GNPTAB: variants seen among roughly 807,000 people sequenced by gnomAD.
GNPTAB encodes N-acetylglucosamine-1-phosphate transferase subunits alpha and beta, also known as N-acetylglucosamine-1-phosphotransferase subunits alpha/beta.
GNPTAB carries 92 observed loss-of-function variants against 136.6 expected under a neutral mutation model. The ratio of observed to expected loss-of-function variants is 0.67; its 90% CI spans 0.57 to 0.80. GNPTAB has a LOEUF of 0.80. Ranked by LOEUF, GNPTAB falls within the 30% of genes least tolerant of loss-of-function variation. GNPTAB has a pLI of 0.00. For missense variants in GNPTAB, 1,343 were observed against 1,501.8 expected (o/e 0.89, Z 1.75); for synonymous variants, 512 against 535.1 (o/e 0.96, Z 0.60).
In GNPTAB at chr12:101,761,599, C is replaced by G. The variant is rs766838280; in HGVS notation, c.2880G>C (p.Met960Ile). 3 of 1,614,058 alleles carry G rather than the reference C, an allele frequency of 1.9e-6. No individual in the cohort carries two copies. The African/African-American group carries it at 4.0e-5, about 22-fold the overall frequency. Residue 960 changes from methionine (M) to isoleucine (I), a missense_variant, in exon 14 of 21, where the codon ATG becomes ATC. By Grantham distance (10) the Met-to-Ile change is conservative (BLOSUM62 1). Coordinates refer to ENST00000299314, the MANE Select transcript of GNPTAB (RefSeq NM_024312.5). ...GTTCTTGCATAACAATCCGGTCAAT[C>G]ATGTGAGGCATGTGAGCAGGGACTT... ...SRKVPAHMPH[M>I]IDRIVMQELQ...
At chr12:101,822,407 G>A (rs983228864) in intron 1 of GNPTAB, among the ~76,000 whole-genome samples, 3 of 152,024 alleles carry the variant, frequency 2.0e-5, no homozygotes, top group Non-Finnish European at 4.4e-5. Flanking sequence ...GCGAGACTCC[G>A]TCTCAAAAAA....
At chr12:101,808,222 T>A (rs1163814869) in intron 1 of GNPTAB, among the ~76,000 whole-genome samples, 1 of 152,106 alleles carries the variant, frequency 6.6e-6, no homozygotes, top group African/African-American at 2.4e-5. Context: ...CAAACTCAAC[T>A]AAAATTTCAG....
In GNPTAB at chr12:101,761,673, T is replaced by C; in HGVS notation, c.2806A>G (p.Arg936Gly). The C allele has an allele frequency of 1.9e-6, 3 of 1,613,806 alleles. No individual in the cohort carries two copies. Among genetic ancestry groups the C allele is most frequent in the Non-Finnish European group, 2.5e-6 (3 of 1,179,654 alleles). Reference protein sequence around the residue: ...QLKDTFADSLRYVNKILNSKF... With the variant: ...QLKDTFADSLGYVNKILNSKF... ...CTATTTAGAATTTTATTTACATATCTGAGGGAATCTGCAAATGTATCTTTT... is the reference window on the plus strand; with the variant it reads ...CTATTTAGAATTTTATTTACATATCCGAGGGAATCTGCAAATGTATCTTTT... Residue 936 changes from arginine to glycine, a missense_variant, in exon 14 of 21, where the codon AGA (arginine) becomes GGA (glycine). Coordinates refer to ENST00000299314, the MANE Select transcript of GNPTAB (RefSeq NM_024312.5).
chr12:101,770,987 A>C lies in GNPTAB; in HGVS notation c.933+9T>G, dbSNP rs778947935. On this transcript the variant is annotated intron_variant, in intron 8 of 20. Coordinates refer to ENST00000299314, the MANE Select transcript of GNPTAB (RefSeq NM_024312.5). ...ATTTGGGCTGTAAAAGCTTCTGTGC[A>C]TCCCTTACCTGGCTGATGGCGCTCA... The C allele has an allele frequency of 1.9e-6, 3 of 1,613,732 alleles. No homozygotes were observed. The highest frequency in any genetic ancestry group is 2.5e-6 in the Non-Finnish European group (3 of 1,179,632).
intron 1 of GNPTAB, among the ~76,000 whole-genome samples, chr12:101,808,536 C>G (rs7133458): frequency 5.3e-5 from 8 of 151,672 alleles, no homozygotes; most frequent in African/African-American, 1.9e-4. Flanking sequence ...AGCAAGACTC[C>G]GTCTCCAAAA....
chr12:101,746,179 A>C lies in GNPTAB; in HGVS notation c.*985T>G, dbSNP rs1254569713. 6.6e-6 allele frequency: 1 copy of C among 152,238 alleles called. No homozygotes were observed. Among genetic ancestry groups the C allele is most frequent in the Non-Finnish European group, 1.5e-5 (1 of 68,044 alleles). The allele number at this position is 152,238 out of a possible 1,614,324, so 9.4% of individuals were successfully genotyped here. On this transcript the variant is annotated 3_prime_UTR_variant, in exon 21 of 21. Coordinates refer to ENST00000299314, the MANE Select transcript of GNPTAB (RefSeq NM_024312.5). The stretch of plus-strand genomic sequence containing the variant: ...TTTTTAGAGGGTTGTTTGAAAAAAA[A>C]CAAACTAAACAACAGCAAGAAGAAT...
chr12:101,780,093 AG>A (rs1282987236), intron 7 of GNPTAB, 58 bp downstream of exon 7: 1 of 1,524,966 alleles, frequency 6.6e-7, no homozygotes, highest in Non-Finnish European at 9.1e-7. Context: ...CCACAAGAAA[AG>A]AATCACACAT....
rs1359797693 is a variant in GNPTAB, at chr12:101,764,980, T to G, written c.1937A>C (p.Gln646Pro). ...REGPKLNSTA[Q>P]KGYENLVSPI... ...ACTAACTAAATTTTCGTAACCCTTC[T>G]GGGCTGTAGAATTCAGTTTTGGTCC... The change falls in exon 13 of 21, where the codon CAG becomes CCG. Residue 646 changes from glutamine (Q) to proline (P), a missense_variant. Gln to Pro is a moderately conservative substitution (Grantham distance 76). Coordinates refer to ENST00000299314, the MANE Select transcript of GNPTAB (RefSeq NM_024312.5). 1 of 1,614,168 alleles carries G rather than the reference T, an allele frequency of 6.2e-7. No homozygotes were observed. The highest frequency in any genetic ancestry group is 2.2e-5 in the East Asian group (1 of 44,884).
At chr12:101,763,895 T>TCAAGA (rs1306533337) in intron 13 of GNPTAB, among the ~76,000 whole-genome samples, 1 of 152,302 alleles carries the variant, frequency 6.6e-6, no homozygotes, top group East Asian at 1.9e-4. Flanking sequence ...ATCTGAAATG[T>TCAAGA]CAAGACAAGA....
At chr12:101,786,638 T>C (rs2137145376) in intron 4 of GNPTAB, among the ~76,000 whole-genome samples, 1 of 152,324 alleles carries the variant, frequency 6.6e-6, no homozygotes, top group South Asian at 2.1e-4. Context: ...AACAACTAAA[T>C]ACATTGGATG....
chr12:101,790,145 T>C lies in GNPTAB; in HGVS notation c.204-88A>G. The C allele has an allele frequency of 1.9e-6, 3 of 1,576,126 alleles. No homozygotes were observed. In the South Asian group the frequency reaches 3.3e-5, roughly 18 times the overall value. Reference sequence around the variant, plus strand: ...ATATCACAGGGTTTAAACCCAGAGATTATGAAAAAAATCTCTGAAGAAGTA... The same window carrying C: ...ATATCACAGGGTTTAAACCCAGAGACTATGAAAAAAATCTCTGAAGAAGTA... On this transcript the variant is annotated intron_variant, in intron 2 of 20. Transcript: ENST00000299314.
At chr12:101,777,720 G>A (rs1953280228) in intron 7 of GNPTAB, among the ~76,000 whole-genome samples, 1 of 152,138 alleles carries the variant, frequency 6.6e-6, no homozygotes, top group African/African-American at 2.4e-5. Flanking sequence ...CGCAGTGATA[G>A]GAAACTTCAT....
At chr12:101,775,750 C>CA (rs1253795374) in intron 7 of GNPTAB, among the ~76,000 whole-genome samples, 2 of 150,868 alleles carry the variant, frequency 1.3e-5, no homozygotes, top group Non-Finnish European at 3.0e-5. Context: ...AGAAATAAAA[C>CA]AAAAAAAGAA....
intron 1 of GNPTAB, among the ~76,000 whole-genome samples, chr12:101,825,410 C>T (rs956115261): frequency 9.9e-5 from 15 of 152,278 alleles, no homozygotes; most frequent in African/African-American, 2.2e-4. Flanking sequence ...GAACTATAAA[C>T]GCTACATCAG....
At chr12:101,802,907 C>T (rs750357811) in intron 1 of GNPTAB, among the ~76,000 whole-genome samples, 4 of 152,140 alleles carry the variant, frequency 2.6e-5, no homozygotes, top group Non-Finnish European at 4.4e-5. Context: ...TCTCCAGTTA[C>T]GGCAGATGGA....
chr12:101,774,819 G>A (rs1318327859), intron 7 of GNPTAB, among the ~76,000 whole-genome samples: 1 of 152,138 alleles, frequency 6.6e-6, no homozygotes, highest in Non-Finnish European at 1.5e-5. Flanking sequence ...ACAAATACAG[G>A]TAAGTTTGAA....
intron 11 of GNPTAB, among the ~76,000 whole-genome samples, chr12:101,767,518 T>C (rs1953111871): frequency 6.6e-6 from 1 of 152,212 alleles, no homozygotes. Flanking sequence ...ATATTTTAAA[T>C]AAGAAGACAT....
Position 101,760,107 on chromosome 12 carries a change from A to G in GNPTAB, c.3172T>C (p.Ser1058Pro). The change falls in exon 16 of 21, where the codon TCA becomes CCA. Residue 1058 changes from serine to proline, a missense_variant. Ser to Pro is a moderately conservative substitution (Grantham distance 74). Coordinates refer to ENST00000299314, the MANE Select transcript of GNPTAB (RefSeq NM_024312.5). The stretch of plus-strand genomic sequence containing the variant: ...GTGATATCAGCAGGAAGCATTTTTG[A>G]GCAATTTATTAGCATGTGTTCCAGA... ...TGLEHMLINC[S>P]KMLPADITQL... The G allele has an allele frequency of 1.2e-6, 2 of 1,612,986 alleles. No homozygotes were observed. Among genetic ancestry groups the G allele is most frequent in the Non-Finnish European group, 1.7e-6 (2 of 1,179,000 alleles).
intron 1 of GNPTAB, among the ~76,000 whole-genome samples, chr12:101,803,102 C>G (rs1201638645): frequency 6.6e-6 from 1 of 152,008 alleles, no homozygotes; most frequent in Non-Finnish European, 1.5e-5. Flanking sequence ...GAAAGTGATA[C>G]CCCAAAGACT....
Sources: allele counts gnomAD v4.1 joint callset (sites outside exome capture counted in the v4.1 genomes callset), GRCh38; gene constraint gnomAD v4.1.1; transcripts MANE v1.5; gene names NCBI Gene and HGNC (gene_info 2026-07-23, HGNC 2026-07-21).